The following KCNB2 variants were observed in gnomAD, a reference collection of about 807,000 sequenced individuals.
The protein encoded by KCNB2 is potassium voltage-gated channel subfamily B member 2, also known as delayed rectifier potassium channel protein.
In KCNB2, 15 loss-of-function variants were observed where a neutral mutation model predicts 61.5. That is an observed-to-expected ratio of 0.24 (90% CI 0.16 to 0.38). KCNB2 has a LOEUF of 0.38. KCNB2 is among the 10% of genes least tolerant of loss of function. The pLI is 1.00. For synonymous variants in KCNB2, 457 were observed against 446.0 expected, an observed-to-expected ratio of 1.02 and a Z score of -0.31; for missense variants, 828 against 1,125.2, an observed-to-expected ratio of 0.74 and a Z score of 3.78.
intron 2 of KCNB2, among the ~76,000 whole-genome samples, chr8:72,652,220 A>G (rs1010376520): frequency 3.9e-5 from 6 of 152,150 alleles, no homozygotes; most frequent in Non-Finnish European, 8.8e-5. Context: ...AAGAAAACAT[A>G]TCAATGCCCA....
At chr8:72,797,756 G>C (rs1461785452) in intron 2 of KCNB2, among the ~76,000 whole-genome samples, 2 of 152,158 alleles carry the variant, frequency 1.3e-5, no homozygotes, top group Non-Finnish European at 2.9e-5. Context: ...TATGCCCACT[G>C]CTGTGAATAC....
chr8:72,898,095 T>G (rs1022418611), intron 2 of KCNB2, among the ~76,000 whole-genome samples: 1 of 152,184 alleles, frequency 6.6e-6, no homozygotes, highest in African/African-American at 2.4e-5. Flanking sequence ...GTCTGTTTTT[T>G]AATGGGGATT....
In KCNB2 at chr8:72,567,646, G is replaced by T; in HGVS notation, c.-89G>T. 1 of 825,442 alleles carries T rather than the reference G, an allele frequency of 1.2e-6. No individual in the cohort carries two copies. Among genetic ancestry groups the T allele is most frequent in the Non-Finnish European group, 1.9e-6 (1 of 528,478 alleles). 51.1% of individuals were successfully genotyped at this position (825,442 alleles called of 1,614,324 possible). On this transcript the variant is annotated 5_prime_UTR_variant, in exon 2 of 3. Coordinates refer to ENST00000523207, the MANE Select transcript of KCNB2 (RefSeq NM_004770.3). ...GTGATTGTTGCTTTCTTCCAGCTTT[G>T]TCAGTGGAAATGCCTGCCCCAGAGG...
intron 2 of KCNB2, among the ~76,000 whole-genome samples, chr8:72,856,738 A>G (rs1352532610): frequency 6.6e-6 from 1 of 152,214 alleles, no homozygotes. Flanking sequence ...GGGTTAAAGA[A>G]CATTGTGAGA....
chr8:72,544,260 G>A (rs534591529), intron 1 of KCNB2, among the ~76,000 whole-genome samples: 1 of 152,280 alleles, frequency 6.6e-6, no homozygotes, highest in African/African-American at 2.4e-5. Context: ...GGCAGTTGTG[G>A]GGAAGTGATG....
chr8:72,614,567 CTGT>C (rs924845040), intron 2 of KCNB2, among the ~76,000 whole-genome samples: 5 of 152,298 alleles, frequency 3.3e-5, no homozygotes, highest in Non-Finnish European at 7.4e-5. Context: ...CAGTCTCTGA[CTGT>C]TGTTGTTAGT....
In KCNB2 at chr8:72,937,927, G is replaced by A. The variant is rs563196308; in HGVS notation, c.2572G>A (p.Asp858Asn). Residue 858 changes from aspartate (D) to asparagine (N), a missense_variant, in exon 3 of 3, where the codon GAC (aspartate) becomes AAC (asparagine). By Grantham distance (23) the Asp-to-Asn change is conservative (BLOSUM62 1). This residue lies in a region of KCNB2 where 559 missense variants were observed against 588.4 expected (regional missense o/e 0.95). Coordinates refer to ENST00000523207, the MANE Select transcript of KCNB2 (RefSeq NM_004770.3). ...CAGTGTGGGCTCTTCCTCCCCGCAG[G>A]ACACAGGTCACAACTGTAGGCAAGA... ...EGSVGSSSPQ[D>N]TGHNCRQDIY... The A allele has an allele frequency of 6.2e-7, 1 of 1,614,084 alleles. No individual in the cohort carries two copies. The highest frequency in any genetic ancestry group is 1.7e-5 in the Admixed American group (1 of 60,006).
chr8:72,577,339 G>A (rs573170057), intron 2 of KCNB2, among the ~76,000 whole-genome samples: 4 of 152,040 alleles, frequency 2.6e-5, no homozygotes, highest in Non-Finnish European at 4.4e-5. Context: ...GATAGAGAGA[G>A]AGAGATGTTA....
chr8:72,788,508 G>C (rs1272546166), intron 2 of KCNB2, among the ~76,000 whole-genome samples: 1 of 152,058 alleles, frequency 6.6e-6, no homozygotes, highest in African/African-American at 2.4e-5. Flanking sequence ...TTCCAGTATA[G>C]TCACATTAGG....
intron 2 of KCNB2, among the ~76,000 whole-genome samples, chr8:72,697,149 C>T (rs1035088511): frequency 6.6e-6 from 1 of 152,114 alleles, no homozygotes; most frequent in Non-Finnish European, 1.5e-5. Flanking sequence ...ACAACAACTA[C>T]TAAATGAACA....
chr8:72,574,140 A>G (rs1398904708), intron 2 of KCNB2, among the ~76,000 whole-genome samples: 1 of 152,240 alleles, frequency 6.6e-6, no homozygotes, highest in Non-Finnish European at 1.5e-5. Flanking sequence ...TAAAACAGTT[A>G]AAATAGAAAA....
intron 2 of KCNB2, among the ~76,000 whole-genome samples, chr8:72,864,974 C>A (rs1247026870): frequency 6.6e-6 from 1 of 152,098 alleles, no homozygotes; most frequent in Non-Finnish European, 1.5e-5. Context: ...TCATCTTCTC[C>A]CCCAACCTCC....
At chr8:72,803,277 T>C (rs1428700542) in intron 2 of KCNB2, among the ~76,000 whole-genome samples, 8 of 152,080 alleles carry the variant, frequency 5.3e-5, no homozygotes, top group Non-Finnish European at 1.0e-4. Context: ...GACACAGCAG[T>C]CCACCCTCCA....
intron 2 of KCNB2, among the ~76,000 whole-genome samples, chr8:72,643,022 G>A (rs902323845): frequency 6.6e-6 from 1 of 152,152 alleles, no homozygotes; most frequent in African/African-American, 2.4e-5. Context: ...ATTTAAACTA[G>A]TCTACCAGAG....
chr8:72,585,568 A>C (rs535982516), intron 2 of KCNB2, among the ~76,000 whole-genome samples: 6 of 152,122 alleles, frequency 3.9e-5, no homozygotes, highest in South Asian at 2.1e-4. Context: ...GGGTCTCTCT[A>C]TGTTACTCAG....
At chr8:72,679,638 TTA>T (rs1806720042) in intron 2 of KCNB2, among the ~76,000 whole-genome samples, 1 of 152,220 alleles carries the variant, frequency 6.6e-6, no homozygotes, top group African/African-American at 2.4e-5. Flanking sequence ...ACATAAAATA[TTA>T]TGAGATATTT....
chr8:72,639,610 G>A (rs1243163595), intron 2 of KCNB2, among the ~76,000 whole-genome samples: 1 of 152,054 alleles, frequency 6.6e-6, no homozygotes, highest in Non-Finnish European at 1.5e-5. Flanking sequence ...GCAGGGGTAC[G>A]AGGGAATCTG....
At chr8:72,922,826 A>G (rs1365762177) in intron 2 of KCNB2, among the ~76,000 whole-genome samples, 4 of 152,196 alleles carry the variant, frequency 2.6e-5, no homozygotes, top group Non-Finnish European at 2.9e-5. Flanking sequence ...GTCTCAATCA[A>G]TTTAGAAGCT....
chr8:72,713,181 G>A (rs1184817973), intron 2 of KCNB2, among the ~76,000 whole-genome samples: 2 of 152,252 alleles, frequency 1.3e-5, no homozygotes, highest in African/African-American at 4.8e-5. Context: ...ACTGGGTGGG[G>A]CCCACCAAAG....
Sources: gnomAD v4.1 joint callset for allele counts (sites outside exome capture counted in the v4.1 genomes callset) on GRCh38, gnomAD v4.1.1 for gene constraint, gnomAD v4.1.1 regional missense constraint, MANE v1.5 for transcripts, NCBI Gene and HGNC (gene_info 2026-07-23, HGNC 2026-07-21) for gene names.